The following PRRC2B variants were observed in gnomAD, a reference collection of about 807,000 sequenced individuals.
PRRC2B encodes the protein protein PRRC2B.
PRRC2B carries 68 observed loss-of-function variants against 242.3 expected under a neutral mutation model. That is an observed-to-expected ratio of 0.28 (90% confidence interval 0.23 to 0.34). The LOEUF (loss-of-function observed/expected upper bound fraction) is 0.34. PRRC2B is among the 10% of genes least tolerant of loss of function. The pLI, the probability that PRRC2B is intolerant of heterozygous loss-of-function variation, is 1.00. For missense variants in PRRC2B, 2,835 were observed against 2,954.8 expected, an observed-to-expected ratio of 0.96 and a Z score of 0.94; for synonymous variants, 1,228 against 1,173.6, an observed-to-expected ratio of 1.05 and a Z score of -0.95.
At chr9:131,420,497 T>TTTCTTTCGTTCGTTCGTTCGTTCGTTC (rs1837801640) in intron 1 of PRRC2B, among the ~76,000 whole-genome samples, 1 of 16,432 alleles carries the variant, frequency 6.1e-5, no homozygotes, top group African/African-American at 1.4e-4. Flanking sequence ...TTCTTTCTTT[T>TTTCTTTCGTTCGTTCGTTCGTTCGTTC]TTTTTTTTTT....
chr9:131,470,324 G>T (rs745783057), intron 13 of PRRC2B, among the ~76,000 whole-genome samples: 1 of 152,154 alleles, frequency 6.6e-6, no homozygotes, highest in Non-Finnish European at 1.5e-5. Flanking sequence ...TGGGCGTGGG[G>T]TGTCTGTGTG....
At chr9:131,463,007 TA>T (rs1216089429) in intron 11 of PRRC2B, among the ~76,000 whole-genome samples, 1 of 152,016 alleles carries the variant, frequency 6.6e-6, no homozygotes, top group African/African-American at 2.4e-5. Flanking sequence ...CTGAAGGAAG[TA>T]ATCAGGGCTA....
At chr9:131,379,403 C>G (rs991162761) in intron 1 of PRRC2B, among the ~76,000 whole-genome samples, 1 of 152,146 alleles carries the variant, frequency 6.6e-6, no homozygotes, top group African/African-American at 2.4e-5. Flanking sequence ...TTTACATTTC[C>G]ACCAACAATG....
intron 9 of PRRC2B, among the ~76,000 whole-genome samples, chr9:131,453,124 A>G (rs2966368): frequency 0.017 from 2,631 of 152,246 alleles, 74 homozygotes; most frequent in African/African-American, 0.058. Flanking sequence ...ACACATTTAT[A>G]GTTTCTATGC....
chr9:131,481,197 C>T (rs753598192), intron 19 of PRRC2B, among the ~76,000 whole-genome samples: 1 of 148,752 alleles, frequency 6.7e-6, no homozygotes, highest in South Asian at 2.1e-4. Flanking sequence ...ATAGTCCCAG[C>T]TATTCGGGAG....
chr9:131,430,538 TA>T (rs1838117963), intron 2 of PRRC2B, among the ~76,000 whole-genome samples: 1 of 144,170 alleles, frequency 6.9e-6, no homozygotes, highest in Non-Finnish European at 1.5e-5. Flanking sequence ...TATCTATCTA[TA>T]GATATCTATA....
chr9:131,465,907 T>C (rs1038383393), intron 12 of PRRC2B, among the ~76,000 whole-genome samples: 12 of 152,146 alleles, frequency 7.9e-5, no homozygotes, highest in African/African-American at 2.7e-4. Context: ...GTATTTTTAG[T>C]AGAGACAGGG....
chr9:131,421,859 A>G (rs1031439453), intron 1 of PRRC2B, among the ~76,000 whole-genome samples: 1 of 152,130 alleles, frequency 6.6e-6, no homozygotes, highest in Non-Finnish European at 1.5e-5. Context: ...GCCTGGGCTG[A>G]CTTATATCAG....
chr9:131,481,233 C>G (rs1173472394), intron 19 of PRRC2B, among the ~76,000 whole-genome samples: 1 of 143,830 alleles, frequency 7.0e-6, no homozygotes, highest in East Asian at 2.0e-4. Context: ...TGGCGTGAAC[C>G]CGGGAGGCAG....
chr9:131,433,564 T>C (rs1173290116), intron 3 of PRRC2B, among the ~76,000 whole-genome samples: 2 of 152,196 alleles, frequency 1.3e-5, no homozygotes, highest in Non-Finnish European at 2.9e-5. Flanking sequence ...GGGAAGGGGA[T>C]GTGTTCAGGG....
At chr9:131,388,694 C>T (rs1836857991) in intron 1 of PRRC2B, among the ~76,000 whole-genome samples, 1 of 149,546 alleles carries the variant, frequency 6.7e-6, no homozygotes, top group Admixed American at 7.0e-5. Context: ...CAGGCACACG[C>T]CACTATGCTC....
chr9:131,479,258 G>T lies in PRRC2B; in HGVS notation c.4765G>T (p.Val1589Phe), dbSNP rs1231783464. The change falls in exon 19 of 32, where the codon GTC becomes TTC. Residue 1589 changes from valine (V) to phenylalanine (F), a missense_variant. By Grantham distance (50) the Val-to-Phe change is conservative (BLOSUM62 -1). This residue lies in a region of PRRC2B where 1,536 missense variants were observed against 1,483.1 expected (regional missense o/e 1.04). Coordinates refer to ENST00000683519, the MANE Select transcript of PRRC2B (RefSeq NM_013318.4). The stretch of plus-strand genomic sequence containing the variant: ...CATCCTTTCTTCCCCTCAGGTGCCT[G>T]TCAAAGGTCGAGGCCTTTCCTCCCG... ...RKKEQAVQVP[V>F]KGRGLSSRIP... 1 of 1,613,778 alleles carries T rather than the reference G, an allele frequency of 6.2e-7. No homozygotes were observed.
intron 15 of PRRC2B, 129 bp from the exon 16 acceptor site, chr9:131,474,325 G>T: frequency 6.4e-6 from 5 of 781,268 alleles, no homozygotes; most frequent in South Asian, 2.1e-5. Context: ...TGTTTTTCTA[G>T]CTTTCTTTTT....
chr9:131,435,426 C>A (rs561727933), intron 3 of PRRC2B, among the ~76,000 whole-genome samples: 1 of 152,024 alleles, frequency 6.6e-6, no homozygotes, highest in Non-Finnish European at 1.5e-5. Context: ...ACTGGCCTGG[C>A]CAACATGTTG....
chr9:131,486,134 G>A lies in PRRC2B; in HGVS notation c.5808G>A (p.Gln1936=). The A allele has an allele frequency of 6.2e-7, 1 of 1,613,148 alleles. No homozygotes were observed. The highest frequency in any genetic ancestry group is 8.5e-7 in the Non-Finnish European group (1 of 1,179,544). Residue 1936 remains glutamine, a synonymous_variant, in exon 26 of 32, where the codon CAG becomes CAA. Transcript: ENST00000683519. ...LYLDGHVFAS[Q]PRLVPQTIPQ... ...TGGATGGCCATGTGTTTGCAAGTCA[G>A]CCCCGGCTGGTTCCTCAAACGATAC...
intron 10 of PRRC2B, among the ~76,000 whole-genome samples, chr9:131,457,920 G>A (rs1162853173): frequency 2.0e-5 from 3 of 152,022 alleles, no homozygotes; most frequent in African/African-American, 7.3e-5. Flanking sequence ...CCCTCGCCAC[G>A]TACGTGTGTG....
chr9:131,430,412 G>A (rs565159503), intron 2 of PRRC2B, among the ~76,000 whole-genome samples, 153 bp downstream of exon 2: 4 of 151,342 alleles, frequency 2.6e-5, no homozygotes, highest in African/African-American at 9.8e-5. Context: ...CCTACTTGAG[G>A]TATGATTTCA....
At chr9:131,440,000 GCCTCCCA>G (rs1838508709) in intron 5 of PRRC2B, among the ~76,000 whole-genome samples, 1 of 151,752 alleles carries the variant, frequency 6.6e-6, no homozygotes, top group Non-Finnish European at 1.5e-5. Flanking sequence ...TCCCACTTCA[GCCTCCCA>G]AGTAGCTGGG....
chr9:131,466,287 C>G (rs949651316), intron 12 of PRRC2B, among the ~76,000 whole-genome samples: 7 of 152,186 alleles, frequency 4.6e-5, no homozygotes, highest in African/African-American at 1.7e-4. Context: ...GACTGTGCCA[C>G]TCTTATAGGA....
Sources: gnomAD v4.1 joint callset for allele counts (sites outside exome capture counted in the v4.1 genomes callset) on GRCh38, gnomAD v4.1.1 for gene constraint, gnomAD v4.1.1 regional missense constraint, MANE v1.5 for transcripts, NCBI Gene and HGNC (gene_info 2026-07-23, HGNC 2026-07-21) for gene names.